LIN7A: variants seen among roughly 807,000 people sequenced by gnomAD.
LIN7A encodes the protein lin-7 cell polarity scaffold A.
Under a neutral mutation model 29.8 loss-of-function variants are expected in LIN7A, and 25 were observed. That is an observed-to-expected ratio of 0.84 (90% CI 0.61 to 1.17). The LOEUF (loss-of-function observed/expected upper bound fraction) is 1.17. LIN7A is among the 50% of genes most tolerant of loss of function. The pLI is 0.00. For synonymous variants in LIN7A, 118 were observed against 107.5 expected (o/e 1.10, Z -0.60); for missense variants, 239 against 287.0 (o/e 0.83, Z 1.21).
rs536157341 is a variant in LIN7A, at chr12:80,811,637, G to T, written c.530C>A (p.Ala177Asp). ...HHEKAVELLK[A>D]AKDSVKLVVR... Reference sequence around the variant, plus strand: ...CACCAGCTTGACGCTGTCTTTAGCAGCCTTGAGTAGTTCCACAGCTTTCTC... The same window carrying T: ...CACCAGCTTGACGCTGTCTTTAGCATCCTTGAGTAGTTCCACAGCTTTCTC... Residue 177 changes from alanine to aspartate, a missense_variant, in exon 5 of 6, where the codon GCT (alanine) becomes GAT (aspartate). By Grantham distance (126) the Ala-to-Asp change is moderately radical (BLOSUM62 -2). Coordinates refer to ENST00000552864, the MANE Select transcript of LIN7A (RefSeq NM_004664.4). 3.1e-6 allele frequency: 5 copies of T among 1,613,630 alleles called. No individual in the cohort carries two copies. The African/African-American group carries it at 5.3e-5, about 17-fold the overall frequency.
intron 5 of LIN7A, among the ~76,000 whole-genome samples, chr12:80,801,642 A>C (rs946615854): frequency 1.3e-5 from 2 of 152,240 alleles, no homozygotes; most frequent in Admixed American, 6.5e-5. Context: ...AAACCAGATA[A>C]AATAATTAAC....
At chr12:80,861,833 G>C (rs1354453034) in intron 2 of LIN7A, among the ~76,000 whole-genome samples, 1 of 152,210 alleles carries the variant, frequency 6.6e-6, no homozygotes, top group Non-Finnish European at 1.5e-5. Context: ...AAGATGACTA[G>C]TTCCTGGAGC....
intron 2 of LIN7A, among the ~76,000 whole-genome samples, chr12:80,853,632 T>C (rs917720464): frequency 4.3e-5 from 3 of 69,404 alleles, no homozygotes; most frequent in African/African-American, 3.0e-4. Flanking sequence ...TATTAGAATG[T>C]GTAGGTTAAA....
At chr12:80,844,770 A>AAC (rs199760011) in intron 4 of LIN7A, among the ~76,000 whole-genome samples, 1 of 128,236 alleles carries the variant, frequency 7.8e-6, no homozygotes, top group Non-Finnish European at 1.8e-5. Flanking sequence ...GCATCCAGAG[A>AAC]ATATGTTATG....
chr12:80,859,803 T>C (rs570369358), intron 2 of LIN7A, among the ~76,000 whole-genome samples: 1 of 152,304 alleles, frequency 6.6e-6, no homozygotes, highest in African/African-American at 2.4e-5. Flanking sequence ...ATTAAAATGA[T>C]TTATAATTCC....
At chr12:80,893,758 T>C (rs961261883) in intron 1 of LIN7A, among the ~76,000 whole-genome samples, 2 of 152,172 alleles carry the variant, frequency 1.3e-5, no homozygotes, top group African/African-American at 4.8e-5. Context: ...GTGACCCGCT[T>C]GCCCTCTCTG....
In LIN7A at chr12:80,880,351, A is replaced by T. The variant is rs187363741; in HGVS notation, c.201+8900T>A. 2.0e-5 allele frequency among the ~76,000 whole-genome samples: 3 copies of T among 152,304 alleles called. No homozygotes were observed. The East Asian group carries it at 5.8e-4, about 29-fold the overall frequency. ...TTAAGATTCAGCTCTCTTTTACTTA[A>T]AAAATAGATAAAATGAAATTTCTGA... On this transcript the variant is annotated intron_variant, in intron 2 of 5. Transcript: ENST00000552864.
At chr12:80,907,076 T>TGTGTGTGTGTGC (rs1876520949) in intron 1 of LIN7A, among the ~76,000 whole-genome samples, 1 of 151,456 alleles carries the variant, frequency 6.6e-6, no homozygotes, top group Non-Finnish European at 1.5e-5. Context: ...TGTGTGTGTG[T>TGTGTGTGTGTGC]GTGTGTGTGT....
chr12:80,922,765 T>G (rs1327109841), intron 1 of LIN7A, among the ~76,000 whole-genome samples: 1 of 152,192 alleles, frequency 6.6e-6, no homozygotes, highest in African/African-American at 2.4e-5. Flanking sequence ...AAATGAATGA[T>G]TCATCTATTT....
intron 1 of LIN7A, among the ~76,000 whole-genome samples, chr12:80,891,021 C>A (rs1314885170): frequency 6.6e-6 from 1 of 152,044 alleles, no homozygotes; most frequent in African/African-American, 2.4e-5. Context: ...CTAAAAATTT[C>A]TCCCCCCAAA....
At chr12:80,914,884 T>A (rs1477945797) in intron 1 of LIN7A, among the ~76,000 whole-genome samples, 2 of 151,992 alleles carry the variant, frequency 1.3e-5, no homozygotes, top group Admixed American at 6.6e-5. Context: ...CTACAAAAAA[T>A]AAATATTTTT....
chr12:80,876,056 C>A (rs1486813499), intron 2 of LIN7A, among the ~76,000 whole-genome samples: 6 of 108,378 alleles, frequency 5.5e-5, no homozygotes, highest in East Asian at 7.5e-4. Context: ...TTTTTATACA[C>A]ACACACACAC....
rs536338265 is a variant in LIN7A at position 80,879,460 on chromosome 12, C to T, written c.201+9791G>A. Reference sequence around the variant, plus strand: ...CATTTTTCTTGTGAAAATTGATGACCTCTTTCTAAATAAAACATAAATGCA... The same window carrying T: ...CATTTTTCTTGTGAAAATTGATGACTTCTTTCTAAATAAAACATAAATGCA... On this transcript the variant is annotated intron_variant, in intron 2 of 5. Coordinates refer to ENST00000552864, the MANE Select transcript of LIN7A (RefSeq NM_004664.4). Among the ~76,000 whole-genome samples the T allele has an allele frequency of 5.9e-5, 9 of 151,496 alleles. No homozygotes were observed. The South Asian group carries it at 1.9e-3, about 32-fold the overall frequency.
At chr12:80,935,075 A>G (rs1381708069) in intron 1 of LIN7A, among the ~76,000 whole-genome samples, 1 of 152,186 alleles carries the variant, frequency 6.6e-6, no homozygotes, top group Non-Finnish European at 1.5e-5. Flanking sequence ...CTATATTTTA[A>G]CATTGCTTAA....
intron 2 of LIN7A, among the ~76,000 whole-genome samples, chr12:80,875,134 T>G (rs1874620818): frequency 6.6e-6 from 1 of 152,252 alleles, no homozygotes; most frequent in African/African-American, 2.4e-5. Flanking sequence ...GTTCTGGTGC[T>G]AACTCAGGCA....
chr12:80,809,141 G>T (rs1056049089), intron 5 of LIN7A, among the ~76,000 whole-genome samples: 2 of 151,778 alleles, frequency 1.3e-5, no homozygotes, highest in Non-Finnish European at 2.9e-5. Flanking sequence ...GCTAATTTTT[G>T]AATTTTAATA....
rs55772850 is a variant in LIN7A, at chr12:80,800,489, C to CAA, written c.*1-2765_*1-2764dup. Among the ~76,000 whole-genome samples the CAA allele has an allele frequency of 7.9e-4, 30 of 38,078 alleles. 4 individuals are homozygous for CAA. The highest frequency in any genetic ancestry group is 1.8e-3 in the African/African-American group (20 of 11,160). The allele number at this position is 38,078 out of a possible 152,430, so 25.0% of individuals were successfully genotyped here. On this transcript the variant is annotated intron_variant, in intron 5 of 5. Transcript: ENST00000552864. ...GGGCAGCAAGAGTGAAACTCCGTCT[C>CAA]AAAAAAAAAAAAAAAAAAAAAAAAA...
intron 2 of LIN7A, among the ~76,000 whole-genome samples, chr12:80,862,226 T>C (rs1323508873): frequency 6.6e-6 from 1 of 152,204 alleles, no homozygotes; most frequent in Non-Finnish European, 1.5e-5. Flanking sequence ...TTTCATCATA[T>C]TTCACAATTT....
intron 1 of LIN7A, among the ~76,000 whole-genome samples, chr12:80,913,617 G>A (rs1262513877): frequency 2.0e-5 from 3 of 152,162 alleles, no homozygotes; most frequent in Non-Finnish European, 4.4e-5. Context: ...CAAGTACCCC[G>A]AGTATGCCAG....
Sources: allele counts gnomAD v4.1 joint callset (sites outside exome capture counted in the v4.1 genomes callset), GRCh38; gene constraint gnomAD v4.1.1; transcripts MANE v1.5; gene names NCBI Gene and HGNC (gene_info 2026-07-23, HGNC 2026-07-21).